Variants in MAP3K7 observed in about 807,000 individuals in gnomAD.
MAP3K7 encodes TGF-beta activated kinase 1.
Under a neutral mutation model 84.8 loss-of-function variants are expected in MAP3K7, and 21 were observed. The ratio of observed to expected loss-of-function variants is 0.25; its 90% CI spans 0.18 to 0.36. MAP3K7 has a LOEUF of 0.36. Among genes scored for constraint, MAP3K7 ranks in the 10% least tolerant of loss-of-function variants. The pLI is 1.00. For missense variants in MAP3K7, 503 were observed against 747.7 expected (o/e 0.67, Z 3.82); for synonymous variants, 241 against 247.7 (o/e 0.97, Z 0.25).
intron 13 of MAP3K7, among the ~76,000 whole-genome samples, chr6:90,530,691 TA>T (rs111278835): frequency 5.9e-5 from 9 of 152,148 alleles, no homozygotes; most frequent in African/African-American, 9.7e-5. Context: ...TATGTTTGTA[TA>T]AAAAAACTAA....
At chr6:90,520,535 G>A (rs1332681556) in intron 14 of MAP3K7, among the ~76,000 whole-genome samples, 1 of 151,664 alleles carries the variant, frequency 6.6e-6, no homozygotes, top group Non-Finnish European at 1.5e-5. Flanking sequence ...AATACATGAC[G>A]GTAGTTATCA....
chr6:90,524,238 GA>G (rs904079553), intron 13 of MAP3K7, among the ~76,000 whole-genome samples: 2 of 149,100 alleles, frequency 1.3e-5, no homozygotes, highest in African/African-American at 2.5e-5. Flanking sequence ...ACTCAACTAG[GA>G]AAAAAAAAAT....
At chr6:90,551,328 C>T (rs900600347) in intron 8 of MAP3K7, 4 of 152,132 alleles carry the variant, frequency 2.6e-5, no homozygotes, top group African/African-American at 9.6e-5. Flanking sequence ...GATTCTTCTA[C>T]TGAACAAACT....
rs561162217 is a variant in MAP3K7, at chr6:90,528,169, C to T, written c.1357-4386G>A. On this transcript the variant is annotated intron_variant, in intron 13 of 16. Coordinates refer to ENST00000369329, the MANE Select transcript of MAP3K7 (RefSeq NM_145331.3). ...CTGGGATTACAGGCGTGAGCCACCG[C>T]GCCCGGCCTCATAAGGACTTTTTAA... 4.9e-3 allele frequency among the ~76,000 whole-genome samples: 68 copies of T among 13,768 alleles called. 28 individuals are homozygous for T. The South Asian group carries it at 0.11, about 22-fold the overall frequency. 9.0% of individuals were successfully genotyped at this position (13,768 alleles called of 152,430 possible).
chr6:90,544,502 C>T (rs1447335496), intron 12 of MAP3K7, 50 bp downstream of exon 12: 4 of 1,499,574 alleles, frequency 2.7e-6, no homozygotes, highest in East Asian at 2.3e-5. Context: ...TACCAGGGAT[C>T]ATTATTCCGG....
At chr6:90,563,044 A>C (rs1047140970) in intron 3 of MAP3K7, among the ~76,000 whole-genome samples, 8 of 152,244 alleles carry the variant, frequency 5.3e-5, no homozygotes, top group African/African-American at 1.9e-4. Context: ...ATAAACAGAA[A>C]GGACATCCAC....
chr6:90,530,660 CAATA>C, intron 13 of MAP3K7, among the ~76,000 whole-genome samples: 1 of 151,876 alleles, frequency 6.6e-6, no homozygotes, highest in East Asian at 1.9e-4. Context: ...ATGTGTATCT[CAATA>C]AATAAAAATA....
chr6:90,558,005 T>C (rs948668387), intron 5 of MAP3K7, among the ~76,000 whole-genome samples: 1 of 152,160 alleles, frequency 6.6e-6, no homozygotes, highest in African/African-American at 2.4e-5. Flanking sequence ...ACAGAATCTG[T>C]AGGTTTTCCA....
chr6:90,553,729 G>C, intron 6 of MAP3K7, 143 bp from the exon 7 acceptor site: 1 of 604,338 alleles, frequency 1.7e-6, no homozygotes, highest in South Asian at 2.6e-5. Flanking sequence ...TCTTTCTGAA[G>C]TACTTTGTCT....
chr6:90,537,462 A>G (rs1775717943), intron 12 of MAP3K7, among the ~76,000 whole-genome samples: 1 of 151,984 alleles, frequency 6.6e-6, no homozygotes, highest in Non-Finnish European at 1.5e-5. Context: ...ACATGACCCC[A>G]TTATTATGCT....
At chr6:90,561,718 G>C in intron 3 of MAP3K7, 51 bp from the exon 4 acceptor site, 2 of 1,261,410 alleles carry the variant, frequency 1.6e-6, no homozygotes, top group Non-Finnish European at 2.3e-6. Context: ...CATCATCTTA[G>C]GGCCTTTGAG....
chr6:90,565,386 C>A (rs573158236), intron 3 of MAP3K7, among the ~76,000 whole-genome samples: 309 of 152,156 alleles, frequency 2.0e-3, no homozygotes, highest in Non-Finnish European at 3.5e-3. Context: ...GGGATATCAC[C>A]ACCAATTTTA....
intron 3 of MAP3K7, among the ~76,000 whole-genome samples, chr6:90,566,642 G>T (rs1362328153): frequency 2.0e-5 from 3 of 152,102 alleles, no homozygotes; most frequent in Non-Finnish European, 4.4e-5. Context: ...ACTGCCCAAG[G>T]TAATTTATAG....
Position 90,548,994 on chromosome 6 carries a change from A to T in MAP3K7, c.950-817T>A, listed in dbSNP as rs35792352. Among the ~76,000 whole-genome samples the T allele has an allele frequency of 8.4e-4, 128 of 152,244 alleles. 1 individual carries two copies. The highest frequency in any genetic ancestry group is 3.0e-3 in the African/African-American group (126 of 41,550). ...CGTCTGAATGGAGTCAGCTCAAGAA[A>T]GAAGGGGAAAAGAGAAGCTAGTGAA... On this transcript the variant is annotated intron_variant, in intron 9 of 16. Transcript: ENST00000369329.
chr6:90,560,296 A>G lies in MAP3K7; in HGVS notation c.344-82T>C, dbSNP rs889939380. On this transcript the variant is annotated intron_variant, in intron 4 of 16. Transcript: ENST00000369329. The stretch of plus-strand genomic sequence containing the variant: ...ATGTGAATGCAAGCACTATCAGAAC[A>G]CATGACTGGGTATTTTTCTACATAT... The G allele has an allele frequency of 9.2e-6, 13 of 1,406,294 alleles. No homozygotes were observed. The African/African-American group carries it at 1.6e-4, about 17-fold the overall frequency. The allele number at this position is 1,406,294 out of a possible 1,614,324, so 87.1% of individuals were successfully genotyped here. A position where few individuals can be genotyped will look rare whatever the true frequency, so the allele number is the denominator to read the frequency against.
chr6:90,561,031 A>G (rs1223699986), intron 4 of MAP3K7, among the ~76,000 whole-genome samples: 1 of 152,200 alleles, frequency 6.6e-6, no homozygotes, highest in African/African-American at 2.4e-5. Flanking sequence ...AGTAAATATA[A>G]GTAAAAGTTT....
intron 12 of MAP3K7, among the ~76,000 whole-genome samples, chr6:90,543,075 G>A (rs1228135825): frequency 1.7e-4 from 22 of 127,016 alleles, no homozygotes; most frequent in Admixed American, 1.7e-3. Context: ...ACATTTAAGG[G>A]AAGCACAGTT....
intron 1 of MAP3K7, among the ~76,000 whole-genome samples, chr6:90,575,815 A>C (rs1236716146): frequency 6.6e-6 from 1 of 152,176 alleles, no homozygotes; most frequent in South Asian, 2.1e-4. Flanking sequence ...TGATGTTGAA[A>C]GAATAATGAA....
chr6:90,519,397 T>C, intron 14 of MAP3K7, 78 bp from the exon 15 acceptor site: 1 of 934,434 alleles, frequency 1.1e-6, no homozygotes, highest in African/African-American at 1.7e-5. Flanking sequence ...ATGAATGAAA[T>C]GCTTTTTTTC....
Sources: allele counts gnomAD v4.1 joint callset (sites outside exome capture counted in the v4.1 genomes callset), GRCh38; gene constraint gnomAD v4.1.1; transcripts MANE v1.5; gene names NCBI Gene and HGNC (gene_info 2026-07-23, HGNC 2026-07-21).